The following DIXDC1 variants were observed in gnomAD, a reference collection of about 807,000 sequenced individuals.
DIXDC1 encodes the protein DIX domain containing 1.
A neutral mutation model predicts 103.1 loss-of-function variants in DIXDC1; 64 were observed. That is an observed-to-expected ratio of 0.62 (90% CI 0.51 to 0.76). The LOEUF is 0.76. DIXDC1 is among the 30% of genes least tolerant of loss of function. The pLI, the probability that DIXDC1 is intolerant of heterozygous loss-of-function variation, is 0.00. For synonymous variants in DIXDC1, 266 were observed against 298.5 expected, an observed-to-expected ratio of 0.89 and a Z score of 1.12; for missense variants, 759 against 834.2, an observed-to-expected ratio of 0.91 and a Z score of 1.11.
Position 112,017,904 on chromosome 11 carries a change from G to A in DIXDC1, c.1971+19G>A, listed in dbSNP as rs1861645828. 6.3e-7 allele frequency: 1 copy of A among 1,578,104 alleles called. No homozygotes were observed. The highest frequency in any genetic ancestry group is 1.3e-5 in the African/African-American group (1 of 74,306). On this transcript the variant is annotated intron_variant, in intron 19 of 19. Coordinates refer to ENST00000440460, the MANE Select transcript of DIXDC1 (RefSeq NM_001037954.4). The surrounding 1 kb of genome is among the most constrained non-coding windows in gnomAD (Gnocchi z 4.0). ...AGAGGAGGTAAAGAATCTGTGGGGA[G>A]TCTGTATGGTATTATTGGTCCTTTC...
intron 17 of DIXDC1, among the ~76,000 whole-genome samples, chr11:112,009,559 A>T (rs1441731605): frequency 1.3e-5 from 2 of 152,352 alleles, no homozygotes; most frequent in East Asian, 3.9e-4. Context: ...GAAAATCTTC[A>T]ATAAAATACT....
rs10635444 is a variant in DIXDC1, at chr11:111,941,837, T to TACACACACAC, written c.60+4305_60+4314dup. ...TGTCTCAAAACAAAACGAAACAAAA[T>TACACACACAC]ACACACACACACACACACACACACA... On this transcript the variant is annotated intron_variant, in intron 1 of 19. Transcript: ENST00000440460. 5.9e-3 allele frequency among the ~76,000 whole-genome samples: 825 copies of TACACACACAC among 139,274 alleles called. 6 individuals carry two copies. The highest frequency in any genetic ancestry group is 0.038 in the Middle Eastern group (10 of 260). The allele number at this position is 139,274 out of a possible 152,430, so 91.4% of individuals were successfully genotyped here.
rs140616054 is a variant in DIXDC1, at chr11:111,953,623, C to T, written c.61-10926C>T. ...ATTGCACTCCAGCTTGGAGACAGAG[C>T]GATACTCCATATCAATCAATCAATA... On this transcript the variant is annotated intron_variant, in intron 1 of 19. Transcript: ENST00000440460. Among the ~76,000 whole-genome samples, 104 of 152,138 alleles carry T rather than the reference C, an allele frequency of 6.8e-4. 1 individual carries two copies. In the East Asian group the frequency reaches 0.014, roughly 20 times the overall value.
intron 9 of DIXDC1, among the ~76,000 whole-genome samples, chr11:111,988,034 C>T (rs1000613109): frequency 1.3e-4 from 20 of 151,978 alleles, no homozygotes; most frequent in African/African-American, 4.8e-4. Context: ...GAGTCTCACT[C>T]TGTCACCCAG....
At chr11:111,960,252 G>A (rs966882609) in intron 1 of DIXDC1, among the ~76,000 whole-genome samples, 7 of 151,762 alleles carry the variant, frequency 4.6e-5, no homozygotes, top group Non-Finnish European at 1.0e-4. Context: ...TCTTCATTAC[G>A]TCTAGGGAGC....
intron 7 of DIXDC1, among the ~76,000 whole-genome samples, chr11:111,984,543 A>G (rs181993450): frequency 3.3e-5 from 5 of 152,280 alleles, no homozygotes; most frequent in Admixed American, 3.3e-4. Context: ...GTCTCCAAAT[A>G]TTATAATAAT....
chr11:112,012,333 G>T (rs1861449881), intron 17 of DIXDC1, among the ~76,000 whole-genome samples: 1 of 152,200 alleles, frequency 6.6e-6, no homozygotes, highest in Non-Finnish European at 1.5e-5. Flanking sequence ...TAAAGTTAGG[G>T]TAATCAAGAC....
chr11:111,948,871 C>T (rs1592551454), intron 1 of DIXDC1, among the ~76,000 whole-genome samples: 1 of 152,198 alleles, frequency 6.6e-6, no homozygotes, highest in Non-Finnish European at 1.5e-5. Flanking sequence ...TTCTCTGAAA[C>T]TTTGATGCAT....
At chr11:111,937,874 C>T (rs1422169416) in intron 1 of DIXDC1, among the ~76,000 whole-genome samples, 1 of 152,206 alleles carries the variant, frequency 6.6e-6, no homozygotes, top group African/African-American at 2.4e-5. Context: ...GAGCTTCTCT[C>T]TCCAAGGAAA....
intron 1 of DIXDC1, among the ~76,000 whole-genome samples, chr11:111,948,358 T>A (rs1555169569): frequency 6.6e-6 from 1 of 152,210 alleles, no homozygotes; most frequent in Non-Finnish European, 1.5e-5. Flanking sequence ...TTCTTAAGGC[T>A]TATCCACTGT....
chr11:112,011,252 A>G (rs587701933), intron 17 of DIXDC1, among the ~76,000 whole-genome samples: 2 of 152,348 alleles, frequency 1.3e-5, no homozygotes, highest in South Asian at 4.1e-4. Flanking sequence ...AACCACAATG[A>G]GATACCATCT....
chr11:111,962,861 C>T (rs1555171193), intron 1 of DIXDC1, among the ~76,000 whole-genome samples: 1 of 152,126 alleles, frequency 6.6e-6, no homozygotes, highest in African/African-American at 2.4e-5. Context: ...CTAGAGGTGC[C>T]CTTTGCCTGG....
chr11:111,980,013 A>G (rs782027546), intron 5 of DIXDC1, among the ~76,000 whole-genome samples: 6 of 152,208 alleles, frequency 3.9e-5, no homozygotes, highest in Non-Finnish European at 8.8e-5. Context: ...GGACAATTTG[A>G]AAGTATTGTG....
intron 17 of DIXDC1, among the ~76,000 whole-genome samples, chr11:112,002,504 G>A (rs959080614): frequency 3.3e-5 from 5 of 152,182 alleles, no homozygotes; most frequent in African/African-American, 1.2e-4. Context: ...ATTTCCAATA[G>A]CCAAGGCTGG....
At position 112,019,189 on chromosome 11, in the gene DIXDC1, C is replaced by A. The variant is rs2137653796; in HGVS notation, c.*153C>A. 1.8e-6 allele frequency: 1 copy of A among 570,450 alleles called. No individual in the cohort carries two copies. 35.3% of individuals were successfully genotyped at this position (570,450 alleles called of 1,614,324 possible). On this transcript the variant is annotated 3_prime_UTR_variant, in exon 20 of 20. Transcript: ENST00000440460. ...AGCATGATGGCCACAGGTCAGTCCTCTTTCTGTGCCTGGCATATCTGGTAC... is the reference window on the plus strand; with the variant it reads ...AGCATGATGGCCACAGGTCAGTCCTATTTCTGTGCCTGGCATATCTGGTAC...
Position 111,986,900 on chromosome 11 carries a change from T to G in DIXDC1, c.1038T>G (p.Ser346Arg), listed in dbSNP as rs182278039. ...LIIIQSRLDQ[S>R]MEENQDLKKE... ...TAATCCAAAGTCGTCTGGATCAGAG[T>G]ATGGAGGAGAATCAGGACTTAAAGG... The change falls in exon 9 of 20, where the codon AGT (serine) becomes AGG (arginine). Residue 346 changes from serine (S) to arginine (R), a missense_variant. Around this residue, in one of 3 missense-constraint regions of DIXDC1, gnomAD observed 657 missense variants for 727.5 expected, o/e 0.90. Transcript: ENST00000440460. The G allele has an allele frequency of 6.3e-7, 1 of 1,577,460 alleles. No individual in the cohort carries two copies. The highest frequency in any genetic ancestry group is 1.8e-5 in the Admixed American group (1 of 54,436).
Position 111,998,682 on chromosome 11 carries a change from C to T in DIXDC1, c.1756+2536C>T, listed in dbSNP as rs1362394037. On this transcript the variant is annotated intron_variant, in intron 17 of 19. Coordinates refer to ENST00000440460, the MANE Select transcript of DIXDC1 (RefSeq NM_001037954.4). The surrounding 1 kb of genome is among the most constrained non-coding windows in gnomAD (Gnocchi z 4.1). ...CCTCAGCCTCCTGATTACAGGCGCCCGCCACCACGCCCGGCTAATTTTTTG... is the reference window on the plus strand; with the variant it reads ...CCTCAGCCTCCTGATTACAGGCGCCTGCCACCACGCCCGGCTAATTTTTTG... Among the ~76,000 whole-genome samples, 7 of 151,938 alleles carry T rather than the reference C, an allele frequency of 4.6e-5. No homozygotes were observed. Among genetic ancestry groups the T allele is most frequent in the South Asian group, 2.1e-4 (1 of 4,806 alleles).
At chr11:111,992,221 C>A (rs1402899594) in intron 10 of DIXDC1, among the ~76,000 whole-genome samples, 194 bp from the exon 11 acceptor site, 1 of 152,114 alleles carries the variant, frequency 6.6e-6, no homozygotes, top group African/African-American at 2.4e-5. Flanking sequence ...TAGGATTTTG[C>A]TCTGGATGCT....
In DIXDC1 at chr11:112,022,608, G is replaced by A. The variant is rs993550943; in HGVS notation, c.*3572G>A. ...AATATCATTAATGATTTTCACTTGCGTTTACTGATGAGATTAATCAATAAA... is the reference window on the plus strand; with the variant it reads ...AATATCATTAATGATTTTCACTTGCATTTACTGATGAGATTAATCAATAAA... On this transcript the variant is annotated 3_prime_UTR_variant, in exon 20 of 20. Transcript: ENST00000440460. This position sits in a 1 kb window ranked among gnomAD's most constrained non-coding sequence, Gnocchi z 4.9. 6.6e-6 allele frequency: 1 copy of A among 152,598 alleles called. No homozygotes were observed. Among genetic ancestry groups the A allele is most frequent in the African/African-American group, 2.4e-5 (1 of 41,432 alleles). The allele number at this position is 152,598 out of a possible 1,614,324, so 9.5% of individuals were successfully genotyped here. A position where few individuals can be genotyped will look rare whatever the true frequency, so the allele number is the denominator to read the frequency against.
Sources: allele counts gnomAD v4.1 joint callset (sites outside exome capture counted in the v4.1 genomes callset), GRCh38; gene constraint gnomAD v4.1.1; regional missense constraint gnomAD v4.1.1; non-coding constraint Gnocchi (gnomAD v3.1); transcripts MANE v1.5; gene names NCBI Gene and HGNC (gene_info 2026-07-23, HGNC 2026-07-21).